The following KCNQ5 variants were observed in gnomAD, a reference collection of about 807,000 sequenced individuals.
KCNQ5 encodes potassium voltage-gated channel subfamily KQT member 5.
A neutral mutation model predicts 98.2 loss-of-function variants in KCNQ5; 30 were observed. The observed-to-expected ratio is 0.31, with a 90% CI of 0.23 to 0.41. The LOEUF (loss-of-function observed/expected upper bound fraction) is 0.41. Ranked by LOEUF, KCNQ5 falls within the 10% of genes least tolerant of loss-of-function variation. The pLI is 1.00. For synonymous variants in KCNQ5, 458 were observed against 449.4 expected (o/e 1.02, Z -0.24); for missense variants, 835 against 1,182.5 (o/e 0.71, Z 4.31).
At chr6:73,181,111 C>T (rs1335151339) in intron 11 of KCNQ5, among the ~76,000 whole-genome samples, 1 of 152,202 alleles carries the variant, frequency 6.6e-6, no homozygotes. Flanking sequence ...CCCAGAGTTT[C>T]ACTTTGCTTT....
chr6:72,782,495 T>C (rs1160294726), intron 1 of KCNQ5, among the ~76,000 whole-genome samples: 3 of 152,214 alleles, frequency 2.0e-5, no homozygotes, highest in Non-Finnish European at 4.4e-5. Flanking sequence ...TGCACCATTT[T>C]CCTTTTAAAA....
intron 1 of KCNQ5, among the ~76,000 whole-genome samples, chr6:72,788,342 A>C (rs1338062012): frequency 6.6e-6 from 1 of 152,208 alleles, no homozygotes; most frequent in Non-Finnish European, 1.5e-5. Flanking sequence ...TATTAACAAG[A>C]CTTTGGATAT....
intron 1 of KCNQ5, among the ~76,000 whole-genome samples, chr6:72,808,478 A>G (rs1442835110): frequency 6.6e-6 from 1 of 152,110 alleles, no homozygotes; most frequent in Admixed American, 6.6e-5. Context: ...AAAACCCATC[A>G]TGTTTTTATT....
Position 73,194,817 on chromosome 6 carries a change from C to G in KCNQ5, c.2202C>G (p.Asn734Lys), listed in dbSNP as rs758256458. 5.0e-6 allele frequency: 8 copies of G among 1,614,182 alleles called. No individual in the cohort carries two copies. Reference protein sequence around the residue: ...SAVAATNTIANQINTAPKPAA... With the variant: ...SAVAATNTIAKQINTAPKPAA... ...TGGCAGCCACCAACACCATTGCAAACCAAATAAATACGGCACCCAAGCCAG... is the reference window on the plus strand; with the variant it reads ...TGGCAGCCACCAACACCATTGCAAAGCAAATAAATACGGCACCCAAGCCAG... The change falls in exon 14 of 14, where the codon AAC (asparagine) becomes AAG (lysine). Residue 734 changes from asparagine to lysine, a missense_variant. Transcript: ENST00000370398.
At chr6:72,982,561 G>A (rs1208783944) in intron 1 of KCNQ5, among the ~76,000 whole-genome samples, 2 of 122,376 alleles carry the variant, frequency 1.6e-5, no homozygotes, top group Non-Finnish European at 3.2e-5. Flanking sequence ...TTGAGCCTAT[G>A]TGTGTCTCTG....
At chr6:73,022,968 A>T (rs1461131104) in intron 2 of KCNQ5, among the ~76,000 whole-genome samples, 5 of 152,184 alleles carry the variant, frequency 3.3e-5, no homozygotes, top group African/African-American at 1.2e-4. Context: ...AATGGAAAGG[A>T]GGTCCTTAAG....
At chr6:72,736,203 G>C (rs1481449146) in intron 1 of KCNQ5, among the ~76,000 whole-genome samples, 1 of 151,788 alleles carries the variant, frequency 6.6e-6, no homozygotes, top group Non-Finnish European at 1.5e-5. Context: ...TCATCCCTTT[G>C]ACCCTTGAAT....
chr6:73,088,670 T>A (rs112908689), intron 5 of KCNQ5, among the ~76,000 whole-genome samples: 3 of 152,316 alleles, frequency 2.0e-5, no homozygotes, highest in African/African-American at 7.2e-5. Flanking sequence ...AGTTTCCTGC[T>A]AGACATTTCT....
chr6:72,759,353 G>A (rs1772133922), intron 1 of KCNQ5, among the ~76,000 whole-genome samples: 1 of 151,984 alleles, frequency 6.6e-6, no homozygotes, highest in African/African-American at 2.4e-5. Flanking sequence ...TCCTCATCCA[G>A]TTATAAGGGA....
At chr6:72,928,956 G>A (rs1309326534) in intron 1 of KCNQ5, among the ~76,000 whole-genome samples, 2 of 152,118 alleles carry the variant, frequency 1.3e-5, no homozygotes, top group East Asian at 3.9e-4. Flanking sequence ...CTTGGTCCCT[G>A]TATTTAAAGA....
chr6:72,943,294 G>A (rs984040772), intron 1 of KCNQ5, among the ~76,000 whole-genome samples: 8 of 152,074 alleles, frequency 5.3e-5, no homozygotes, highest in Non-Finnish European at 1.0e-4. Context: ...CTTCAGATAG[G>A]GAATTGAACA....
chr6:72,755,138 T>C (rs1458309927), intron 1 of KCNQ5, among the ~76,000 whole-genome samples: 1 of 152,056 alleles, frequency 6.6e-6, no homozygotes, highest in Non-Finnish European at 1.5e-5. Context: ...CTTTTTCTGA[T>C]AGTAATACAG....
intron 8 of KCNQ5, 56 bp downstream of exon 8, chr6:73,120,633 C>A: frequency 9.0e-7 from 1 of 1,111,946 alleles, no homozygotes; most frequent in Non-Finnish European, 1.3e-6. Flanking sequence ...GTCTGTTAAA[C>A]AAACCATACC....
At position 73,080,873 on chromosome 6, in the gene KCNQ5, C is replaced by T. The variant is rs113024111; in HGVS notation, c.918+2986C>T. 7.0e-3 allele frequency among the ~76,000 whole-genome samples: 1,073 copies of T among 152,256 alleles called. 15 individuals carry two copies. Among genetic ancestry groups the T allele is most frequent in the African/African-American group, 0.024 (1,004 of 41,550 alleles). On this transcript the variant is annotated intron_variant, in intron 5 of 13. Transcript: ENST00000370398. ...CTTCCATTAAGATAGTGAGATCTGT[C>T]CCCTAGATCAACATTTGGAGGGATA...
intron 2 of KCNQ5, among the ~76,000 whole-genome samples, chr6:73,008,099 T>C (rs991275750): frequency 1.3e-5 from 2 of 149,996 alleles, no homozygotes; most frequent in African/African-American, 2.5e-5. Flanking sequence ...AAAATAGCTA[T>C]AGAATATACA....
At chr6:73,140,354 G>A (rs1334040678) in intron 10 of KCNQ5, among the ~76,000 whole-genome samples, 2 of 152,146 alleles carry the variant, frequency 1.3e-5, no homozygotes, top group Non-Finnish European at 2.9e-5. Flanking sequence ...GCTGCACATA[G>A]CATTTTTCCT....
At chr6:72,948,826 A>T (rs551471288) in intron 1 of KCNQ5, among the ~76,000 whole-genome samples, 1 of 152,272 alleles carries the variant, frequency 6.6e-6, no homozygotes, top group Admixed American at 6.5e-5. Context: ...ATTGATGTTG[A>T]CAATATTATC....
At chr6:72,623,389 A>AGTGTGTGTGT (rs1485468754) in intron 1 of KCNQ5, among the ~76,000 whole-genome samples, 1 of 37,242 alleles carries the variant, frequency 2.7e-5, no homozygotes, top group Non-Finnish European at 4.8e-5. Flanking sequence ...GCGGAGTCAA[A>AGTGTGTGTGT]GAGTGTGTGT....
intron 1 of KCNQ5, among the ~76,000 whole-genome samples, chr6:72,643,944 C>T (rs1195272672): frequency 6.6e-6 from 1 of 151,858 alleles, no homozygotes; most frequent in Admixed American, 6.6e-5. Flanking sequence ...GCAAAACTGT[C>T]CAAGGGAATA....
Sources: gnomAD v4.1 joint callset for allele counts (sites outside exome capture counted in the v4.1 genomes callset) on GRCh38, gnomAD v4.1.1 for gene constraint, MANE v1.5 for transcripts, NCBI Gene and HGNC (gene_info 2026-07-23, HGNC 2026-07-21) for gene names.